The following GPC5 variants were observed in gnomAD, a reference collection of about 807,000 sequenced individuals.
GPC5 encodes glypican-5.
GPC5 carries 47 observed loss-of-function variants against 53.9 expected under a neutral mutation model. That is an observed-to-expected ratio of 0.87 (90% CI 0.69 to 1.11). The LOEUF (loss-of-function observed/expected upper bound fraction) is 1.11. Ranked by LOEUF, GPC5 falls within the 50% of genes most tolerant of loss-of-function variation. The pLI, the probability that GPC5 is intolerant of heterozygous loss-of-function variation, is 0.00. For missense variants in GPC5, 748 were observed against 713.1 expected (o/e 1.05, Z -0.56); for synonymous variants, 286 against 263.3 (o/e 1.09, Z -0.84).
chr13:92,329,114 G>A (rs74110212), intron 7 of GPC5, among the ~76,000 whole-genome samples: 4,355 of 152,150 alleles, frequency 0.029, 218 homozygotes, highest in African/African-American at 0.1. Flanking sequence ...AGCAGTTATA[G>A]TCATCCTTCT....
intron 5 of GPC5, among the ~76,000 whole-genome samples, chr13:91,852,188 C>A (rs1249958366): frequency 6.6e-6 from 1 of 151,750 alleles, no homozygotes; most frequent in Non-Finnish European, 1.5e-5. Flanking sequence ...TAATTTTTTT[C>A]TTTATATTCT....
chr13:92,756,331 A>C (rs1164456262), intron 7 of GPC5, among the ~76,000 whole-genome samples: 71 of 151,568 alleles, frequency 4.7e-4, no homozygotes, highest in African/African-American at 1.6e-3. Flanking sequence ...GGACATATTT[A>C]AAAATAATAA....
chr13:91,750,288 G>T (rs1421177094), intron 4 of GPC5, among the ~76,000 whole-genome samples: 2 of 152,086 alleles, frequency 1.3e-5, no homozygotes, highest in African/African-American at 2.4e-5. Flanking sequence ...TTTAAATATG[G>T]TCAAACTGTT....
intron 7 of GPC5, among the ~76,000 whole-genome samples, chr13:92,385,793 A>G (rs1255434444): frequency 4.7e-5 from 5 of 106,424 alleles, no homozygotes; most frequent in East Asian, 2.9e-4. Context: ...GTATATATAT[A>G]CATATATACG....
chr13:92,518,715 A>C (rs1206921933), intron 7 of GPC5, among the ~76,000 whole-genome samples: 1 of 152,240 alleles, frequency 6.6e-6, no homozygotes, highest in African/African-American at 2.4e-5. Flanking sequence ...AAGAAACTGC[A>C]TCAACTAACG....
chr13:92,622,061 C>G lies in GPC5; in HGVS notation c.1562-244221C>G, dbSNP rs188593814. The stretch of plus-strand genomic sequence containing the variant: ...CTCCATGTCCATTCTCTATCTGGTT[C>G]CAACCCTTCCTGTTTGCCCGTGGGA... On this transcript the variant is annotated intron_variant, in intron 7 of 7. Transcript: ENST00000377067. Among the ~76,000 whole-genome samples the G allele has an allele frequency of 6.0e-3, 916 of 152,288 alleles. 6 individuals carry two copies. The highest frequency in any genetic ancestry group is 0.024 in the South Asian group (114 of 4,822).
chr13:92,391,288 C>A (rs1049986894), intron 7 of GPC5, among the ~76,000 whole-genome samples: 5 of 152,094 alleles, frequency 3.3e-5, no homozygotes, highest in Non-Finnish European at 5.9e-5. Flanking sequence ...GGATATGTCA[C>A]AATTCTATTA....
intron 2 of GPC5, among the ~76,000 whole-genome samples, chr13:91,630,384 A>G (rs953985480): frequency 2.6e-5 from 4 of 152,206 alleles, no homozygotes; most frequent in Non-Finnish European, 5.9e-5. Flanking sequence ...GACGGGCTCA[A>G]TAAATAATAC....
chr13:92,164,270 A>C (rs1292356412), intron 7 of GPC5, among the ~76,000 whole-genome samples: 1 of 152,118 alleles, frequency 6.6e-6, no homozygotes, highest in Non-Finnish European at 1.5e-5. Context: ...TTCAAGTCCA[A>C]GGTTTCATAT....
At chr13:92,522,159 T>C (rs424246) in intron 7 of GPC5, among the ~76,000 whole-genome samples, 85,844 of 151,440 alleles carry the variant, frequency 0.57, 25,040 homozygotes, top group East Asian at 0.75. Flanking sequence ...AACACTTTTA[T>C]ACTGTTGGTG....
At chr13:92,842,217 T>C (rs1878452757) in intron 7 of GPC5, among the ~76,000 whole-genome samples, 1 of 152,082 alleles carries the variant, frequency 6.6e-6, no homozygotes, top group Admixed American at 6.6e-5. Context: ...AACTAACAAA[T>C]AAGCCTGTTA....
chr13:92,219,786 C>T (rs2042435997), intron 7 of GPC5, among the ~76,000 whole-genome samples: 1 of 152,164 alleles, frequency 6.6e-6, no homozygotes, highest in African/African-American at 2.4e-5. Context: ...TGCAACCAAT[C>T]AGACTGATTG....
chr13:92,318,547 ATT>A (rs964721838), intron 7 of GPC5, among the ~76,000 whole-genome samples: 6 of 151,822 alleles, frequency 4.0e-5, no homozygotes, highest in African/African-American at 1.5e-4. Flanking sequence ...AGTATACCTA[ATT>A]TTTTTTAATG....
intron 7 of GPC5, among the ~76,000 whole-genome samples, chr13:92,700,255 A>AT (rs36058737): frequency 0.2 from 20,774 of 103,544 alleles, 2,421 homozygotes; most frequent in Non-Finnish European, 0.25. Flanking sequence ...CAACCCCTGC[A>AT]TTTTTTTTTT....
At chr13:91,563,253 AC>A (rs1396712392) in intron 2 of GPC5, among the ~76,000 whole-genome samples, 7 of 152,206 alleles carry the variant, frequency 4.6e-5, no homozygotes, top group African/African-American at 1.7e-4. Flanking sequence ...TCCTGGTTAT[AC>A]AGATTCACAT....
intron 7 of GPC5, among the ~76,000 whole-genome samples, chr13:92,584,647 G>C (rs1883477832): frequency 6.6e-6 from 1 of 152,162 alleles, no homozygotes; most frequent in Admixed American, 6.5e-5. Flanking sequence ...GGAGGCGAAT[G>C]TTAATCCCCA....
chr13:92,069,999 A>G (rs1460765748), intron 6 of GPC5, among the ~76,000 whole-genome samples: 1 of 152,180 alleles, frequency 6.6e-6, no homozygotes, highest in East Asian at 1.9e-4. Context: ...GGAGGACTGT[A>G]TATGAGCCCA....
chr13:92,398,200 C>T (rs990626586), intron 7 of GPC5, among the ~76,000 whole-genome samples: 3 of 151,620 alleles, frequency 2.0e-5, no homozygotes, highest in Non-Finnish European at 2.9e-5. Flanking sequence ...GAGGCCGAGG[C>T]GGGCGGATCA....
chr13:92,407,540 A>T (rs918231839), intron 7 of GPC5, among the ~76,000 whole-genome samples: 1 of 152,152 alleles, frequency 6.6e-6, no homozygotes, highest in African/African-American at 2.4e-5. Flanking sequence ...TGCTGAGTTT[A>T]TTCTCTTAAT....
Sources: allele counts gnomAD v4.1 joint callset (sites outside exome capture counted in the v4.1 genomes callset), GRCh38; gene constraint gnomAD v4.1.1; transcripts MANE v1.5; gene names NCBI Gene and HGNC (gene_info 2026-07-23, HGNC 2026-07-21).